CSPP1: variants seen among roughly 807,000 people sequenced by gnomAD.
The protein encoded by CSPP1 is centrosome and spindle pole-associated protein 1.
In CSPP1, 126 loss-of-function variants were observed where a neutral mutation model predicts 164.4. The ratio of observed to expected loss-of-function variants is 0.77; its 90% confidence interval spans 0.66 to 0.89. The LOEUF (loss-of-function observed/expected upper bound fraction) is 0.89, where lower values mean the gene tolerates loss of function less well. Ranked by LOEUF, CSPP1 falls within the 40% of genes least tolerant of loss-of-function variation. The probability of loss-of-function intolerance (pLI) is 0.00; values close to 1 mark genes in which losing one functional copy is unlikely to be tolerated. For synonymous variants in CSPP1, 472 were observed against 476.7 expected (o/e 0.99, Z 0.13); for missense variants, 1,395 against 1,449.8 (o/e 0.96, Z 0.61).
chr8:67,190,499 TAAAAA>T (rs1476791589), intron 28 of CSPP1, 146 bp from the exon 29 acceptor site: 3 of 622,048 alleles, frequency 4.8e-6, no homozygotes, highest in Non-Finnish European at 8.7e-6. Context: ...GTAAATTTAC[TAAAAA>T]AATCACCGAA....
intron 1 of CSPP1, among the ~76,000 whole-genome samples, chr8:67,066,713 C>T (rs1057006873): frequency 1.3e-5 from 2 of 151,940 alleles, no homozygotes; most frequent in African/African-American, 4.8e-5. Flanking sequence ...AATTTGAGGA[C>T]AAGAATCATG....
intron 6 of CSPP1, among the ~76,000 whole-genome samples, chr8:67,094,523 C>T (rs562565070): frequency 2.6e-5 from 4 of 152,024 alleles, no homozygotes; most frequent in East Asian, 3.9e-4. Flanking sequence ...CCGCCTGCCT[C>T]GGCCTCCCAA....
rs530662473 is a variant in CSPP1, at chr8:67,151,309, A to G, written c.2128+1374A>G. Among the ~76,000 whole-genome samples, 18 of 152,330 alleles carry G rather than the reference A, an allele frequency of 1.2e-4. 2 individuals carry two copies. The South Asian group carries it at 1.7e-3, about 14-fold the overall frequency. ...ATTGATTTGGCTCTTTTAATTTGTA[A>G]TAGTGTGTGGTAAGAACATCACAAC... On this transcript the variant is annotated intron_variant, in intron 18 of 30. Coordinates refer to ENST00000678616, the MANE Select transcript of CSPP1 (RefSeq NM_001382391.1).
At chr8:67,116,484 T>C (rs1817960650) in intron 13 of CSPP1, among the ~76,000 whole-genome samples, 1 of 152,200 alleles carries the variant, frequency 6.6e-6, no homozygotes, top group Admixed American at 6.5e-5. Context: ...AATTCTTCAA[T>C]TTGTGCAGAA....
chr8:67,139,839 G>A (rs1292619860), intron 17 of CSPP1, among the ~76,000 whole-genome samples: 1 of 152,140 alleles, frequency 6.6e-6, no homozygotes, highest in South Asian at 2.1e-4. Context: ...ACCGGGGCCT[G>A]TTGTGGGGTG....
chr8:67,109,011 C>A (rs1206300088), intron 9 of CSPP1, among the ~76,000 whole-genome samples: 3 of 152,164 alleles, frequency 2.0e-5, no homozygotes, highest in Non-Finnish European at 4.4e-5. Context: ...ATTGTTTGAT[C>A]CCAGTTTTTC....
Position 67,091,900 on chromosome 8 carries a change from A to T in CSPP1, c.384+17A>T. The T allele has an allele frequency of 8.5e-7, 1 of 1,179,282 alleles. No individual in the cohort carries two copies. Among genetic ancestry groups the T allele is most frequent in the African/African-American group, 1.6e-5 (1 of 62,468 alleles). The allele number at this position is 1,179,282 out of a possible 1,614,324, so 73.1% of individuals were successfully genotyped here. A position where few individuals can be genotyped will look rare whatever the true frequency, so the allele number is the denominator to read the frequency against. On this transcript the variant is annotated intron_variant, in intron 5 of 30. Transcript: ENST00000678616. Reference sequence around the variant, plus strand: ...TCTGCTAAGGTAGGTGGATAGGAGTAGTTATTGTGGGTACCAGTTTTCCGA... The same window carrying T: ...TCTGCTAAGGTAGGTGGATAGGAGTTGTTATTGTGGGTACCAGTTTTCCGA...
chr8:67,188,771 A>C (rs563385740), intron 28 of CSPP1, among the ~76,000 whole-genome samples: 22 of 152,248 alleles, frequency 1.4e-4, no homozygotes, highest in African/African-American at 4.6e-4. Context: ...TGCTGCTCCC[A>C]ATCAGGCTAA....
intron 25 of CSPP1, chr8:67,172,778 T>C: frequency 2.3e-6 from 1 of 435,144 alleles, no homozygotes; most frequent in East Asian, 3.6e-5. Flanking sequence ...GAGCATACAG[T>C]GTTAAAGTCT....
At chr8:67,194,398 G>A (rs1837298137) in intron 30 of CSPP1, among the ~76,000 whole-genome samples, 1 of 152,144 alleles carries the variant, frequency 6.6e-6, no homozygotes, top group African/African-American at 2.4e-5. Context: ...CAGTCAAGGT[G>A]TGGTGTGTTC....
Position 67,193,515 on chromosome 8 carries a change from T to C in CSPP1, c.3382T>C (p.Ser1128Pro), listed in dbSNP as rs766061975. Residue 1128 changes from serine to proline, a missense_variant, in exon 30 of 31, where the codon TCC becomes CCC. Transcript: ENST00000678616. ...APDGLSLKSISSVNVDELRVR... is the reference protein window; with the variant it reads ...APDGLSLKSIPSVNVDELRVR... ...AGATGGTCTCTCTCTAAAATCTATATCCAGTGTAAATGTTGATGAGCTTAG... is the reference window on the plus strand; with the variant it reads ...AGATGGTCTCTCTCTAAAATCTATACCCAGTGTAAATGTTGATGAGCTTAG... The C allele has an allele frequency of 8.7e-6, 14 of 1,612,610 alleles. No homozygotes were observed. Among genetic ancestry groups the C allele is most frequent in the Non-Finnish European group, 1.2e-5 (14 of 1,178,678 alleles).
At chr8:67,176,792 C>A (rs1226526135) in intron 26 of CSPP1, among the ~76,000 whole-genome samples, 3 of 152,100 alleles carry the variant, frequency 2.0e-5, no homozygotes, top group Non-Finnish European at 4.4e-5. Flanking sequence ...ACCTCACTGG[C>A]CAGGCGTGGT....
chr8:67,164,483 G>C lies in CSPP1; in HGVS notation c.2803G>C (p.Asp935His). Residue 935 changes from aspartate (D) to histidine (H), a missense_variant, in exon 24 of 31, where the codon GAC (aspartate) becomes CAC (histidine). Physicochemically the swap from Asp to His is moderately conservative, Grantham distance 81. Coordinates refer to ENST00000678616, the MANE Select transcript of CSPP1 (RefSeq NM_001382391.1). Reference protein sequence around the residue: ...RRLQERLLHMDSDDEIPIRKK... With the variant: ...RRLQERLLHMHSDDEIPIRKK... ...TCTACAAGAGCGATTGCTACACATG[G>C]ACAGTGATGATGAAATTCCTATCAG... 1 of 1,576,386 alleles carries C rather than the reference G, an allele frequency of 6.3e-7. No homozygotes were observed. Among genetic ancestry groups the C allele is most frequent in the Non-Finnish European group, 8.7e-7 (1 of 1,146,704 alleles).
intron 8 of CSPP1, among the ~76,000 whole-genome samples, chr8:67,103,689 G>A (rs1235061070): frequency 6.6e-6 from 1 of 151,242 alleles, no homozygotes; most frequent in Non-Finnish European, 1.5e-5. Context: ...GCCAGGCGTG[G>A]CAATCCCTGT....
At chr8:67,124,526 G>A (rs1819673264) in intron 15 of CSPP1, among the ~76,000 whole-genome samples, 1 of 151,904 alleles carries the variant, frequency 6.6e-6, no homozygotes, top group South Asian at 2.1e-4. Flanking sequence ...TTTGAGATAG[G>A]GTCTTACTCT....
At chr8:67,079,599 G>A (rs1186963882) in intron 3 of CSPP1, among the ~76,000 whole-genome samples, 1 of 152,050 alleles carries the variant, frequency 6.6e-6, no homozygotes, top group East Asian at 1.9e-4. Flanking sequence ...AAATCTCTAT[G>A]TTTTCTATAT....
Position 67,195,849 on chromosome 8 carries a change from C to CTACT in CSPP1, c.*257_*260dup, listed in dbSNP as rs202189386. The CTACT allele has an allele frequency of 3.9e-4, 163 of 419,948 alleles. 1 individual carries two copies. The East Asian group carries it at 6.3e-3, about 16-fold the overall frequency. The allele number at this position is 419,948 out of a possible 1,614,324, so 26.0% of individuals were successfully genotyped here. A position where few individuals can be genotyped will look rare whatever the true frequency, so the allele number is the denominator to read the frequency against. On this transcript the variant is annotated 3_prime_UTR_variant, in exon 31 of 31. Transcript: ENST00000678616. ...TAGGGTGGTAATGAACTGGATTGAA[C>CTACT]TACTATATGTGCATTATATTGAATT...
chr8:67,082,078 C>T (rs1362822097), intron 3 of CSPP1, among the ~76,000 whole-genome samples: 1 of 152,080 alleles, frequency 6.6e-6, no homozygotes, highest in Non-Finnish European at 1.5e-5. Flanking sequence ...GATAGAGTCT[C>T]GCTCTGTTGC....
chr8:67,079,380 A>G (rs1444461056), intron 3 of CSPP1, among the ~76,000 whole-genome samples: 1 of 152,156 alleles, frequency 6.6e-6, no homozygotes, highest in Non-Finnish European at 1.5e-5. Context: ...CTGGCTGCCT[A>G]GTCATCCTTG....
Sources: allele counts gnomAD v4.1 joint callset (sites outside exome capture counted in the v4.1 genomes callset), GRCh38; gene constraint gnomAD v4.1.1; transcripts MANE v1.5; gene names NCBI Gene and HGNC (gene_info 2026-07-23, HGNC 2026-07-21).